UNC79: variants seen among roughly 807,000 people sequenced by gnomAD.
UNC79 encodes protein unc-79 homolog.
A neutral mutation model predicts 283.1 loss-of-function variants in UNC79; 37 were observed. The observed-to-expected ratio is 0.13, with a 90% CI of 0.10 to 0.17. The LOEUF (loss-of-function observed/expected upper bound fraction) is 0.17. UNC79 is among the 10% of genes least tolerant of loss of function. UNC79 has a pLI of 1.00. For synonymous variants in UNC79, 1,107 were observed against 1,200.2 expected, an observed-to-expected ratio of 0.92 and a Z score of 1.61; for missense variants, 2,272 against 3,211.1, an observed-to-expected ratio of 0.71 and a Z score of 7.07.
At chr14:93,372,062 A>G (rs972363779) in intron 1 of UNC79, among the ~76,000 whole-genome samples, 2 of 152,236 alleles carry the variant, frequency 1.3e-5, no homozygotes, top group Non-Finnish European at 2.9e-5. Flanking sequence ...AGTTAAAAGA[A>G]GTTCTTCAGA....
chr14:93,674,784 A>G (rs2073184901), intron 41 of UNC79, among the ~76,000 whole-genome samples: 1 of 152,184 alleles, frequency 6.6e-6, no homozygotes, highest in Non-Finnish European at 1.5e-5. Flanking sequence ...TTCGTGAAGC[A>G]TTGGTTCTGT....
chr14:93,631,347 A>T (rs991553051), intron 31 of UNC79, among the ~76,000 whole-genome samples: 3 of 152,222 alleles, frequency 2.0e-5, no homozygotes, highest in African/African-American at 7.2e-5. Flanking sequence ...AATGTATGAT[A>T]TATCATATTC....
exon 41 of UNC79, chr14:93,673,364 T>G: frequency 6.2e-7 from 1 of 1,612,350 alleles, no homozygotes; most frequent in Non-Finnish European, 8.5e-7. Context: ...CGAGATAAAT[T>G]CTACTTGTCT....
chr14:93,345,429 C>T (rs976466224), intron 1 of UNC79, among the ~76,000 whole-genome samples: 9 of 150,060 alleles, frequency 6.0e-5, no homozygotes, highest in South Asian at 2.1e-4. Flanking sequence ...ATAGAATGTA[C>T]GCTAAAGAAA....
Position 93,559,031 on chromosome 14 carries a change from T to C in UNC79, c.1756-12863T>C, listed in dbSNP as rs148200954. On this transcript the variant is annotated intron_variant, in intron 14 of 48. Transcript: ENST00000555664. Reference sequence around the variant, plus strand: ...AAGACAGCACTGATAAAAGAAAAACTTCAGCTGAATTAAATTTAAAAGAGC... The same window carrying C: ...AAGACAGCACTGATAAAAGAAAAACCTCAGCTGAATTAAATTTAAAAGAGC... 1.2e-3 allele frequency among the ~76,000 whole-genome samples: 189 copies of C among 152,282 alleles called. 1 individual carries two copies. Among genetic ancestry groups the C allele is most frequent in the African/African-American group, 4.1e-3 (172 of 41,550 alleles).
intron 25 of UNC79, among the ~76,000 whole-genome samples, chr14:93,601,152 A>G (rs573022514): frequency 1.8e-4 from 28 of 152,256 alleles, no homozygotes; most frequent in Non-Finnish European, 3.5e-4. Context: ...TTTTGGTTAC[A>G]TGGATAAGTT....
At position 93,615,059 on chromosome 14, in the gene UNC79, A is replaced by G. The variant is rs560568075; in HGVS notation, c.4041+1976A>G. On this transcript the variant is annotated intron_variant, in intron 27 of 48. Transcript: ENST00000555664. Reference sequence around the variant, plus strand: ...TGGGGCTACAGAGATGTGGATATGAATTTCAGCTCCACCTCTGTTATTAGT... The same window carrying G: ...TGGGGCTACAGAGATGTGGATATGAGTTTCAGCTCCACCTCTGTTATTAGT... Among the ~76,000 whole-genome samples, 4 of 152,292 alleles carry G rather than the reference A, an allele frequency of 2.6e-5. No homozygotes were observed. The South Asian group carries it at 8.3e-4, about 32-fold the overall frequency.
rs34962158 is a variant in UNC79, at chr14:93,375,286, G to A, written c.-351+41763G>A. The stretch of plus-strand genomic sequence containing the variant: ...AGTCCCAGCTACTCAGGAGGCTGAG[G>A]TAGGAGGATCACCTGAGCCCAAGAG... On this transcript the variant is annotated intron_variant, in intron 1 of 49. Coordinates refer to the UNC79 transcript ENST00000256339. Among the ~76,000 whole-genome samples, 855 of 152,308 alleles carry A rather than the reference G, an allele frequency of 5.6e-3. 2 individuals carry two copies. The highest frequency in any genetic ancestry group is 8.7e-3 in the Non-Finnish European group (592 of 68,030).
chr14:93,707,109 T>C (rs2141125101), downstream of UNC79: 1 of 467,880 alleles, frequency 2.1e-6, no homozygotes, highest in Non-Finnish European at 3.6e-6. Flanking sequence ...GGCTATCTGA[T>C]TAAGTGTTTC....
At chr14:93,693,331 C>A (rs2074845372) in intron 46 of UNC79, among the ~76,000 whole-genome samples, 1 of 152,186 alleles carries the variant, frequency 6.6e-6, no homozygotes, top group Admixed American at 6.5e-5. Flanking sequence ...AGGCCTTACA[C>A]TTAAGCTAGA....
intron 30 of UNC79, among the ~76,000 whole-genome samples, chr14:93,629,015 A>G (rs34177997): frequency 0.58 from 88,304 of 151,984 alleles, 26,947 homozygotes; most frequent in Non-Finnish European, 0.68. Context: ...TCTGGCCAAC[A>G]TGGTGAAACC....
chr14:93,357,938 TATATGGAG>T (rs2054146073), intron 1 of UNC79, among the ~76,000 whole-genome samples: 1 of 50,786 alleles, frequency 2.0e-5, no homozygotes, highest in African/African-American at 8.6e-5. Context: ...TATATATGGA[TATATGGAG>T]ATATATATCT....
intron 35 of UNC79, among the ~76,000 whole-genome samples, chr14:93,648,934 G>A (rs536667002): frequency 2.0e-5 from 3 of 152,290 alleles, no homozygotes; most frequent in South Asian, 4.1e-4. Context: ...GGAAGACAGT[G>A]AAGGATTTGT....
intron 1 of UNC79, among the ~76,000 whole-genome samples, chr14:93,438,822 A>G (rs1226891946): frequency 3.9e-5 from 6 of 152,058 alleles, no homozygotes. Flanking sequence ...AAGAATTGAC[A>G]TCTTTCTGAT....
intron 29 of UNC79, among the ~76,000 whole-genome samples, chr14:93,619,188 A>T (rs1337156672): frequency 3.3e-5 from 5 of 152,222 alleles, no homozygotes; most frequent in Admixed American, 3.3e-4. Flanking sequence ...GTTTGGCTAC[A>T]GACGGAACTC....
chr14:93,387,806 G>A (rs1156702718), intron 1 of UNC79, among the ~76,000 whole-genome samples: 2 of 152,162 alleles, frequency 1.3e-5, no homozygotes, highest in African/African-American at 4.8e-5. Flanking sequence ...ATTTCGTCTG[G>A]AAGATCTGTT....
intron 1 of UNC79, chr14:93,437,605 A>T (rs2056136098): frequency 6.6e-6 from 1 of 152,334 alleles, no homozygotes; most frequent in African/African-American, 2.4e-5. Context: ...ACAACTGAAG[A>T]TTATTCTCTT....
At chr14:93,368,614 G>A (rs909336064) in intron 1 of UNC79, among the ~76,000 whole-genome samples, 1 of 152,058 alleles carries the variant, frequency 6.6e-6, no homozygotes, top group East Asian at 1.9e-4. Flanking sequence ...GGGATTACAG[G>A]TGCATGCCAC....
chr14:93,660,700 C>CGGCTCCCGG (rs1368732446), intron 39 of UNC79, among the ~76,000 whole-genome samples: 1 of 151,382 alleles, frequency 6.6e-6, no homozygotes, highest in East Asian at 1.9e-4. Context: ...AACAATTCTC[C>CGGCTCCCGG]CTGCCTCAGC....
Sources: allele counts gnomAD v4.1 joint callset (sites outside exome capture counted in the v4.1 genomes callset), GRCh38; gene constraint gnomAD v4.1.1; transcripts MANE v1.5; gene names NCBI Gene and HGNC (gene_info 2026-07-23, HGNC 2026-07-21).